Variants in ZNF385D observed in about 807,000 individuals in gnomAD.
The protein encoded by ZNF385D is zinc finger protein 385D, also known as zinc finger protein 659.
A neutral mutation model predicts 35.8 loss-of-function variants in ZNF385D; 15 were observed. The observed-to-expected ratio is 0.42, with a 90% confidence interval of 0.28 to 0.64. ZNF385D has a LOEUF of 0.64. ZNF385D is among the 30% of genes least tolerant of loss of function. ZNF385D has a pLI of 0.23. For synonymous variants in ZNF385D, 212 were observed against 186.8 expected (o/e 1.13, Z -1.10); for missense variants, 474 against 494.6 (o/e 0.96, Z 0.39).
rs76634953 is a variant in ZNF385D, at chr3:22,275,702, C to T, written c.106+96748G>A. Among the ~76,000 whole-genome samples the T allele has an allele frequency of 4.6e-3, 695 of 152,172 alleles. 5 individuals carry two copies. The highest frequency in any genetic ancestry group is 0.024 in the Middle Eastern group (7 of 294). On this transcript the variant is annotated intron_variant, in intron 2 of 5. Coordinates refer to the ZNF385D transcript ENST00000494108. ...TAATAAATGACAGAAAAGCCATATC[C>T]TTATATCTGGTGATGTCAAAAGAGT...
At chr3:21,920,103 A>G (rs1023111330) in intron 3 of ZNF385D, among the ~76,000 whole-genome samples, 2 of 152,224 alleles carry the variant, frequency 1.3e-5, no homozygotes, top group African/African-American at 4.8e-5. Flanking sequence ...TTAAATGGTT[A>G]AAAGGAAACA....
At chr3:21,872,737 G>C (rs928116130) in intron 3 of ZNF385D, among the ~76,000 whole-genome samples, 2 of 151,986 alleles carry the variant, frequency 1.3e-5, no homozygotes, top group African/African-American at 4.8e-5. Context: ...AGGGATAAAA[G>C]CATCAAAAAA....
intron 1 of ZNF385D, among the ~76,000 whole-genome samples, chr3:21,685,277 A>G (rs2067068480): frequency 1.3e-5 from 2 of 152,170 alleles, no homozygotes; most frequent in Admixed American, 1.3e-4. Flanking sequence ...TTTTATGGCT[A>G]CTGGCTATTT....
intron 4 of ZNF385D, among the ~76,000 whole-genome samples, chr3:21,498,509 A>G (rs1418868937): frequency 1.3e-5 from 2 of 152,200 alleles, no homozygotes; most frequent in Non-Finnish European, 2.9e-5. Context: ...TTAAATTTAC[A>G]AGCAAAAAAC....
At chr3:22,286,144 G>T (rs566394881) in intron 2 of ZNF385D, among the ~76,000 whole-genome samples, 15 of 152,156 alleles carry the variant, frequency 9.9e-5, no homozygotes, top group Admixed American at 9.2e-4. Context: ...GGTACTTACA[G>T]CATTATTTTT....
In ZNF385D at chr3:22,186,964, T is replaced by G. The variant is rs115880432; in HGVS notation, c.107-17929A>C. 6.6e-3 allele frequency among the ~76,000 whole-genome samples: 1,000 copies of G among 152,280 alleles called. 9 individuals carry two copies. Among genetic ancestry groups the G allele is most frequent in the African/African-American group, 0.023 (939 of 41,572 alleles). On this transcript the variant is annotated intron_variant, in intron 2 of 5. Coordinates refer to the ZNF385D transcript ENST00000494108. ...AGCACTGCCAATGAGGTAGGTACTG[T>G]AATTATCCCCAATTTACAGATGAGA...
chr3:21,529,186 A>T (rs781384344), intron 3 of ZNF385D, among the ~76,000 whole-genome samples: 1 of 152,112 alleles, frequency 6.6e-6, no homozygotes, highest in Admixed American at 6.5e-5. Context: ...TCCACCTGAA[A>T]CTAGAGATAG....
chr3:21,426,754 G>T (rs1180991047), intron 5 of ZNF385D, among the ~76,000 whole-genome samples: 1 of 152,086 alleles, frequency 6.6e-6, no homozygotes, highest in African/African-American at 2.4e-5. Flanking sequence ...ACCACTAAAT[G>T]TTAATGAGGA....
At chr3:22,176,781 T>C (rs369318145) in intron 2 of ZNF385D, among the ~76,000 whole-genome samples, 2 of 152,150 alleles carry the variant, frequency 1.3e-5, no homozygotes, top group Non-Finnish European at 2.9e-5. Context: ...TGACTCACCA[T>C]GAAAGCACTA....
At chr3:21,597,293 G>A (rs921761225) in intron 2 of ZNF385D, among the ~76,000 whole-genome samples, 1 of 151,432 alleles carries the variant, frequency 6.6e-6, no homozygotes, top group Non-Finnish European at 1.5e-5. Context: ...TACCACATTG[G>A]TATTTATTAA....
intron 3 of ZNF385D, among the ~76,000 whole-genome samples, chr3:22,141,075 T>A (rs1181057686): frequency 6.6e-6 from 1 of 152,184 alleles, no homozygotes; most frequent in Non-Finnish European, 1.5e-5. Flanking sequence ...AGATTTACTG[T>A]AGCCCATTTG....
chr3:21,946,152 G>A (rs924774977), intron 3 of ZNF385D, among the ~76,000 whole-genome samples: 2 of 152,038 alleles, frequency 1.3e-5, no homozygotes, highest in African/African-American at 4.8e-5. Context: ...CTTCTCTTTT[G>A]GAGAAGCATT....
chr3:22,075,860 C>T (rs1700438184), intron 3 of ZNF385D, among the ~76,000 whole-genome samples: 10 of 151,926 alleles, frequency 6.6e-5, no homozygotes, highest in Admixed American at 6.6e-4. Flanking sequence ...AACTATAACT[C>T]TTCTTGTCTT....
intron 2 of ZNF385D, among the ~76,000 whole-genome samples, chr3:22,283,352 C>G (rs965129228): frequency 6.6e-6 from 1 of 152,118 alleles, no homozygotes; most frequent in Non-Finnish European, 1.5e-5. Flanking sequence ...ATTTACAGAA[C>G]ATTCTACCCA....
intron 3 of ZNF385D, among the ~76,000 whole-genome samples, chr3:21,968,297 G>A (rs1043247924): frequency 6.6e-6 from 1 of 152,120 alleles, no homozygotes; most frequent in Non-Finnish European, 1.5e-5. Flanking sequence ...TGGGCTAAAG[G>A]GCTCTGGGGT....
At chr3:21,865,394 A>C (rs1684503) in intron 3 of ZNF385D, among the ~76,000 whole-genome samples, 1 of 151,674 alleles carries the variant, frequency 6.6e-6, no homozygotes, top group Non-Finnish European at 1.5e-5. Context: ...ATCCTTGTTC[A>C]GCAATTTAAC....
chr3:22,082,102 G>A (rs1248937982), intron 3 of ZNF385D, among the ~76,000 whole-genome samples: 3 of 149,176 alleles, frequency 2.0e-5, no homozygotes, highest in East Asian at 2.0e-4. Flanking sequence ...GTCTGAATAC[G>A]AACAGCTCTG....
chr3:22,214,424 T>C (rs1194528837), intron 2 of ZNF385D, among the ~76,000 whole-genome samples: 1 of 152,158 alleles, frequency 6.6e-6, no homozygotes, highest in Admixed American at 6.6e-5. Context: ...AAGAACAGGA[T>C]AACAGCAATG....
chr3:22,275,038 A>G (rs530439302), intron 2 of ZNF385D, among the ~76,000 whole-genome samples: 1 of 152,208 alleles, frequency 6.6e-6, no homozygotes, highest in South Asian at 2.1e-4. Flanking sequence ...TGCTTTGCTT[A>G]TTATCATTCT....
Sources: gnomAD v4.1 joint callset for allele counts (sites outside exome capture counted in the v4.1 genomes callset) on GRCh38, gnomAD v4.1.1 for gene constraint, MANE v1.5 for transcripts, NCBI Gene and HGNC (gene_info 2026-07-23, HGNC 2026-07-21) for gene names.